Variants in CORO2A observed in about 807,000 individuals in gnomAD.
CORO2A encodes the protein coronin 2A.
In CORO2A, 47 loss-of-function variants were observed where a neutral mutation model predicts 62.4. The observed-to-expected ratio is 0.75, with a 90% CI of 0.60 to 0.96. CORO2A has a LOEUF of 0.96. CORO2A is among the 40% of genes least tolerant of loss of function. The pLI is 0.00. For synonymous variants in CORO2A, 273 were observed against 268.9 expected (o/e 1.02, Z -0.15); for missense variants, 610 against 684.1 (o/e 0.89, Z 1.21).
At chr9:98,148,750 TCAAA>T (rs1827681221) in intron 2 of CORO2A, among the ~76,000 whole-genome samples, 1 of 113,030 alleles carries the variant, frequency 8.8e-6, no homozygotes, top group South Asian at 2.6e-4. Flanking sequence ...AGAGCTTGTC[TCAAA>T]CAAAACAAAA....
In CORO2A at chr9:98,168,516, C is replaced by A. The variant is rs544228976; in HGVS notation, c.1-10856G>T. Among the ~76,000 whole-genome samples, 10 of 152,322 alleles carry A rather than the reference C, an allele frequency of 6.6e-5. No individual in the cohort carries two copies. The South Asian group carries it at 2.1e-3, about 32-fold the overall frequency. On this transcript the variant is annotated intron_variant, in intron 1 of 11. Transcript: ENST00000375077. Reference sequence around the variant, plus strand: ...AGGTTATATAACTTGCCTAAGATCACATAGCTAGTTAGTGGCTGGGCTGGA... The same window carrying A: ...AGGTTATATAACTTGCCTAAGATCAAATAGCTAGTTAGTGGCTGGGCTGGA...
intron 1 of CORO2A, 104 bp from the exon 2 acceptor site, chr9:98,157,764 G>T: frequency 9.1e-7 from 1 of 1,096,558 alleles, no homozygotes; most frequent in Non-Finnish European, 1.3e-6. Context: ...GAGCAGGACA[G>T]TGGTCAGTTC....
At chr9:98,154,127 A>G (rs61282671) in intron 2 of CORO2A, among the ~76,000 whole-genome samples, 7,942 of 151,950 alleles carry the variant, frequency 0.052, 580 homozygotes, top group African/African-American at 0.17. Context: ...GAGATTGATC[A>G]ATATTTTTTT....
At chr9:98,187,494 C>T (rs1055358211) in intron 1 of CORO2A, among the ~76,000 whole-genome samples, 9 of 149,994 alleles carry the variant, frequency 6.0e-5, no homozygotes, top group Admixed American at 2.0e-4. Context: ...GCTTTATCAA[C>T]AATAGAAATG....
intron 1 of CORO2A, among the ~76,000 whole-genome samples, chr9:98,166,786 T>A (rs1827966794): frequency 6.6e-6 from 1 of 152,130 alleles, no homozygotes; most frequent in African/African-American, 2.4e-5. Flanking sequence ...CGTTCACAGA[T>A]GAACGGATCA....
At chr9:98,128,399 G>T in intron 9 of CORO2A, 139 bp from the exon 10 acceptor site, 2 of 823,776 alleles carry the variant, frequency 2.4e-6, no homozygotes, top group Non-Finnish European at 4.0e-6. Context: ...AAAGGGACTT[G>T]CCCGAGGTCA....
intron 8 of CORO2A, among the ~76,000 whole-genome samples, chr9:98,129,568 C>T (rs556456346): frequency 2.4e-4 from 37 of 152,284 alleles, no homozygotes; most frequent in African/African-American, 7.5e-4. Flanking sequence ...TTCAGTTCCT[C>T]CAATGTTGCC....
chr9:98,144,784 G>A lies in CORO2A; in HGVS notation c.202-7096C>T, dbSNP rs1024114466. Among the ~76,000 whole-genome samples the A allele has an allele frequency of 5.9e-5, 9 of 152,258 alleles. No individual in the cohort carries two copies. The South Asian group carries it at 1.9e-3, about 32-fold the overall frequency. On this transcript the variant is annotated intron_variant, in intron 2 of 11. Coordinates refer to ENST00000375077, the MANE Select transcript of CORO2A (RefSeq NM_052820.4). ...TGGGAGGAGGCTGAAGCAGCCAGCG[G>A]GCACGGTAGGCTGGAGGACAGGGCA...
intron 10 of CORO2A, 121 bp from the exon 11 acceptor site, chr9:98,126,944 T>A (rs1564199009): frequency 9.0e-6 from 10 of 1,116,096 alleles, no homozygotes; most frequent in Non-Finnish European, 1.3e-5. Context: ...ATGCAACATG[T>A]GTGGGAAATA....
At chr9:98,170,818 CT>C (rs1468966469) in intron 1 of CORO2A, among the ~76,000 whole-genome samples, 1 of 152,160 alleles carries the variant, frequency 6.6e-6, no homozygotes, top group African/African-American at 2.4e-5. Flanking sequence ...TTCTGAGTTT[CT>C]ATCCATATAA....
At chr9:98,190,242 C>A (rs559620234) in intron 1 of CORO2A, among the ~76,000 whole-genome samples, 1 of 152,264 alleles carries the variant, frequency 6.6e-6, no homozygotes, top group South Asian at 2.1e-4. Context: ...TAGTTACTTC[C>A]TTAGGATAAA....
At chr9:98,175,545 G>T (rs1828096461) in intron 1 of CORO2A, among the ~76,000 whole-genome samples, 2 of 152,210 alleles carry the variant, frequency 1.3e-5, no homozygotes, top group South Asian at 4.1e-4. Context: ...CCCTCTCTGG[G>T]CTCCAGTGTC....
At chr9:98,126,121 CA>C (rs1827314779) in intron 11 of CORO2A, among the ~76,000 whole-genome samples, 1 of 150,420 alleles carries the variant, frequency 6.6e-6, no homozygotes, top group African/African-American at 2.5e-5. Context: ...CTGCAACCTC[CA>C]CCTCCCAATT....
intron 1 of CORO2A, among the ~76,000 whole-genome samples, chr9:98,177,453 CTTTG>C (rs1828122522): frequency 8.2e-6 from 1 of 121,790 alleles, no homozygotes; most frequent in Non-Finnish European, 1.6e-5. Context: ...GGGCTCCAAA[CTTTG>C]TTTTTTTTTT....
chr9:98,190,210 G>A (rs1298250705), intron 1 of CORO2A, among the ~76,000 whole-genome samples: 1 of 152,120 alleles, frequency 6.6e-6, no homozygotes, highest in Non-Finnish European at 1.5e-5. Context: ...ACAAATAACA[G>A]CACTACATAT....
At chr9:98,156,139 C>T (rs1195175809) in intron 2 of CORO2A, among the ~76,000 whole-genome samples, 1 of 148,864 alleles carries the variant, frequency 6.7e-6, no homozygotes, top group Non-Finnish European at 1.5e-5. Context: ...CTTCCCTGGG[C>T]TCAGGTAATC....
chr9:98,127,676 T>C (rs535836158), intron 10 of CORO2A, among the ~76,000 whole-genome samples: 1 of 151,810 alleles, frequency 6.6e-6, no homozygotes, highest in East Asian at 1.9e-4. Context: ...TAGCTGGGCA[T>C]GGTGGCACGT....
intron 2 of CORO2A, among the ~76,000 whole-genome samples, chr9:98,151,406 T>C (rs1482920595): frequency 2.6e-5 from 4 of 152,242 alleles, no homozygotes; most frequent in Non-Finnish European, 5.9e-5. Context: ...CTTCTAAGCG[T>C]TGCTTGTTTA....
At chr9:98,137,302 A>T (rs949528489) in intron 3 of CORO2A, among the ~76,000 whole-genome samples, 3 of 151,988 alleles carry the variant, frequency 2.0e-5, no homozygotes, top group African/African-American at 7.3e-5. Context: ...CGGAATATAC[A>T]TTTTCACTGG....
Sources: gnomAD v4.1 joint callset for allele counts (sites outside exome capture counted in the v4.1 genomes callset) on GRCh38, gnomAD v4.1.1 for gene constraint, MANE v1.5 for transcripts, NCBI Gene and HGNC (gene_info 2026-07-23, HGNC 2026-07-21) for gene names.